STPG2: variants seen among roughly 807,000 people sequenced by gnomAD.
STPG2 encodes sperm tail PG-rich repeat containing 2, also known as sperm-tail PG-rich repeat-containing protein 2.
A neutral mutation model predicts 54.2 loss-of-function variants in STPG2; 56 were observed. That is an observed-to-expected ratio of 1.03 (90% CI 0.83 to 1.29). The LOEUF (loss-of-function observed/expected upper bound fraction) is 1.29. STPG2 is among the 50% of genes most tolerant of loss of function. The pLI, the probability that STPG2 is intolerant of heterozygous loss-of-function variation, is 0.00. For missense variants in STPG2, 596 were observed against 544.9 expected (o/e 1.09, Z -0.93); for synonymous variants, 200 against 181.8 (o/e 1.10, Z -0.81).
intron 6 of STPG2, among the ~76,000 whole-genome samples, chr4:97,976,772 G>A (rs17027090): frequency 6.6e-6 from 1 of 151,734 alleles, no homozygotes; most frequent in Non-Finnish European, 1.5e-5. Flanking sequence ...ACGTTTTAGA[G>A]GTCATTCTTA....
intron 5 of STPG2, among the ~76,000 whole-genome samples, chr4:98,100,801 G>C (rs1578853795): frequency 6.6e-6 from 1 of 150,472 alleles, no homozygotes; most frequent in Non-Finnish European, 1.5e-5. Context: ...TCAGCCTCCT[G>C]AGTATCTGGG....
At chr4:97,705,477 C>A (rs866857311) in intron 10 of STPG2, among the ~76,000 whole-genome samples, 3 of 152,008 alleles carry the variant, frequency 2.0e-5, no homozygotes, top group African/African-American at 7.2e-5. Flanking sequence ...AGGTGCACAC[C>A]ACCACACCTG....
chr4:97,482,936 G>T (rs1320747070), intron 4 of STPG2, among the ~76,000 whole-genome samples: 4 of 151,622 alleles, frequency 2.6e-5, no homozygotes, highest in African/African-American at 9.7e-5. Flanking sequence ...TATTAGCCAA[G>T]AATTTTGTAT....
chr4:97,888,168 A>T (rs903169391), intron 8 of STPG2, among the ~76,000 whole-genome samples: 1 of 152,162 alleles, frequency 6.6e-6, no homozygotes, highest in African/African-American at 2.4e-5. Context: ...AGAGGGAAAA[A>T]GTGGGGTTGG....
intron 1 of STPG2, among the ~76,000 whole-genome samples, chr4:98,139,163 C>T (rs1578189679): frequency 2.0e-5 from 3 of 152,256 alleles, no homozygotes; most frequent in Admixed American, 2.0e-4. Context: ...TTAGTCCTGT[C>T]CCTTCAGGTT....
chr4:97,585,101 C>CAAAAA (rs60854805), intron 10 of STPG2, among the ~76,000 whole-genome samples: 6 of 46,254 alleles, frequency 1.3e-4, no homozygotes, highest in East Asian at 7.8e-4. Flanking sequence ...AAAATATTCT[C>CAAAAA]AAAAAAAAAA....
intron 8 of STPG2, among the ~76,000 whole-genome samples, chr4:97,914,968 A>G (rs1731816990): frequency 6.6e-6 from 1 of 152,200 alleles, no homozygotes; most frequent in Admixed American, 6.5e-5. Flanking sequence ...AAGGTTCATC[A>G]TATTATAGCA....
intron 5 of STPG2, among the ~76,000 whole-genome samples, chr4:97,994,916 T>G (rs1735154893): frequency 6.6e-6 from 1 of 152,008 alleles, no homozygotes; most frequent in Non-Finnish European, 1.5e-5. Context: ...AGAAAGATCA[T>G]CAGGTTGGGG....
chr4:98,127,124 T>C (rs111246754), intron 3 of STPG2, among the ~76,000 whole-genome samples: 1,772 of 152,052 alleles, frequency 0.012, 29 homozygotes, highest in African/African-American at 0.041. Context: ...GAATATGTAA[T>C]GAAGGTTTAA....
At chr4:97,908,786 A>G (rs377482077) in intron 8 of STPG2, among the ~76,000 whole-genome samples, 15 of 146,868 alleles carry the variant, frequency 1.0e-4, no homozygotes, top group Admixed American at 1.4e-4. Context: ...AACACCGCAT[A>G]TTCTCACTCA....
At chr4:97,932,266 T>G (rs1452510978) in intron 8 of STPG2, among the ~76,000 whole-genome samples, 4 of 152,186 alleles carry the variant, frequency 2.6e-5, no homozygotes, top group Admixed American at 6.5e-5. Context: ...TTTGCTATTT[T>G]TCATCTTCTA....
chr4:97,507,114 C>G (rs1272219456), intron 4 of STPG2, among the ~76,000 whole-genome samples: 3 of 151,622 alleles, frequency 2.0e-5, no homozygotes, highest in Non-Finnish European at 4.4e-5. Flanking sequence ...TGACTTGAGC[C>G]CAAGAGTTTG....
intron 9 of STPG2, among the ~76,000 whole-genome samples, chr4:97,789,369 T>G (rs1726923699): frequency 6.6e-6 from 1 of 152,082 alleles, no homozygotes; most frequent in African/African-American, 2.4e-5. Context: ...GCATTCGCAA[T>G]ATGCAGGTGT....
chr4:97,857,717 GA>G (rs1190252412), intron 8 of STPG2, among the ~76,000 whole-genome samples: 1 of 151,744 alleles, frequency 6.6e-6, no homozygotes, highest in Admixed American at 6.6e-5. Context: ...ACCAATCCCG[GA>G]AAAACAGAGA....
chr4:98,124,317 G>GT (rs1023475725), intron 3 of STPG2, among the ~76,000 whole-genome samples: 3 of 152,142 alleles, frequency 2.0e-5, no homozygotes, highest in African/African-American at 7.2e-5. Context: ...GCCAGTAACG[G>GT]TTTTTTCTTT....
At chr4:98,018,633 A>G (rs532268568) in intron 5 of STPG2, among the ~76,000 whole-genome samples, 244 of 152,164 alleles carry the variant, frequency 1.6e-3, no homozygotes, top group African/African-American at 5.7e-3. Context: ...TAGTCCCACC[A>G]ACAGTGTAAA....
intron 7 of STPG2, among the ~76,000 whole-genome samples, chr4:97,951,108 G>C (rs1478948684): frequency 1.3e-5 from 2 of 152,150 alleles, no homozygotes; most frequent in Admixed American, 1.3e-4. Context: ...CAAGAAGACA[G>C]CTTTGACTCC....
At chr4:98,092,823 G>C (rs918034496) in intron 5 of STPG2, among the ~76,000 whole-genome samples, 3 of 151,938 alleles carry the variant, frequency 2.0e-5, no homozygotes, top group South Asian at 2.1e-4. Context: ...TTAGTTTGCA[G>C]CTAGAATCTA....
At chr4:97,881,332 G>T (rs1325205644) in intron 8 of STPG2, among the ~76,000 whole-genome samples, 1 of 151,888 alleles carries the variant, frequency 6.6e-6, no homozygotes, top group Non-Finnish European at 1.5e-5. Context: ...ATCTCTAAAA[G>T]GTAAAAATGT....
Sources: gnomAD v4.1 joint callset for allele counts (sites outside exome capture counted in the v4.1 genomes callset) on GRCh38, gnomAD v4.1.1 for gene constraint, MANE v1.5 for transcripts, NCBI Gene and HGNC (gene_info 2026-07-23, HGNC 2026-07-21) for gene names.